Variants in TRAM2 observed in about 807,000 individuals in gnomAD.
TRAM2 encodes translocation associated membrane protein 2.
A neutral mutation model predicts 51.0 loss-of-function variants in TRAM2; 12 were observed. That is an observed-to-expected ratio of 0.24 (90% CI 0.15 to 0.38). The LOEUF (loss-of-function observed/expected upper bound fraction) is 0.38, where lower values mean the gene tolerates loss of function less well. TRAM2 is among the 10% of genes least tolerant of loss of function. The pLI is 1.00. For synonymous variants in TRAM2, 175 were observed against 179.4 expected (o/e 0.98, Z 0.20); for missense variants, 361 against 462.0 (o/e 0.78, Z 2.00).
intron 1 of TRAM2, among the ~76,000 whole-genome samples, chr6:52,563,088 T>G (rs529126250): frequency 2.6e-5 from 4 of 152,310 alleles, no homozygotes; most frequent in African/African-American, 7.2e-5. Flanking sequence ...TGCCAAGATA[T>G]TCACTGCTGC....
intron 1 of TRAM2, among the ~76,000 whole-genome samples, chr6:52,536,841 C>A (rs1020681487): frequency 4.6e-5 from 7 of 152,172 alleles, no homozygotes; most frequent in African/African-American, 1.7e-4. Flanking sequence ...AGGACCAGGC[C>A]TTTCCCAAGG....
intron 3 of TRAM2, 96 bp from the exon 4 acceptor site, chr6:52,516,218 AT>A: frequency 8.5e-7 from 1 of 1,170,626 alleles, no homozygotes; most frequent in African/African-American, 1.5e-5. Context: ...AGGGTTGAAC[AT>A]CGTTAGAAGT....
At chr6:52,514,684 G>C (rs994703544) in intron 4 of TRAM2, among the ~76,000 whole-genome samples, 6 of 152,354 alleles carry the variant, frequency 3.9e-5, no homozygotes, top group East Asian at 1.9e-4. Context: ...TGGGGGTGAA[G>C]TTGAAAGGGT....
At chr6:52,549,968 T>C (rs1188561450) in intron 1 of TRAM2, among the ~76,000 whole-genome samples, 3 of 152,156 alleles carry the variant, frequency 2.0e-5, no homozygotes, top group Admixed American at 6.5e-5. Context: ...CACCCTTTGA[T>C]TGCCTGTTGT....
At chr6:52,530,611 G>A (rs182157551) in intron 2 of TRAM2, among the ~76,000 whole-genome samples, 77 of 152,230 alleles carry the variant, frequency 5.1e-4, no homozygotes, top group South Asian at 4.2e-3. Context: ...AGACTGACAC[G>A]CACACAGGGA....
rs1165073560 is a variant in TRAM2 at position 52,498,728 on chromosome 6, G to A, written c.*4469C>T. Reference sequence around the variant, plus strand: ...ACCACAGACCCTAATCCTGGGCAGCGGGGTTAGAAACAAATGGGGTGAAAC... The same window carrying A: ...ACCACAGACCCTAATCCTGGGCAGCAGGGTTAGAAACAAATGGGGTGAAAC... On this transcript the variant is annotated 3_prime_UTR_variant, in exon 11 of 11. Coordinates refer to ENST00000182527, the MANE Select transcript of TRAM2 (RefSeq NM_012288.4). 2.0e-5 allele frequency: 3 copies of A among 152,624 alleles called. No homozygotes were observed. The East Asian group carries it at 5.8e-4, about 29-fold the overall frequency. The allele number at this position is 152,624 out of a possible 1,614,324, so 9.5% of individuals were successfully genotyped here.
At chr6:52,526,144 C>A (rs958338501) in intron 2 of TRAM2, among the ~76,000 whole-genome samples, 2 of 22,888 alleles carry the variant, frequency 8.7e-5, no homozygotes, top group African/African-American at 1.8e-4. Flanking sequence ...AGGAAATACA[C>A]ACAGACAGAC....
Position 52,505,690 on chromosome 6 carries a change from G to C in TRAM2, c.784C>G (p.Leu262Val). 1 of 1,613,670 alleles carries C rather than the reference G, an allele frequency of 6.2e-7. No homozygotes were observed. The highest frequency in any genetic ancestry group is 8.5e-7 in the Non-Finnish European group (1 of 1,179,650). Reference sequence around the variant, plus strand: ...CCAAAGCCAATGGCCAGCACGGCAAGGGTGAGGATGAAGAGGCGGGTAACC... The same window carrying C: ...CCAAAGCCAATGGCCAGCACGGCAACGGTGAGGATGAAGAGGCGGGTAACC... ...FGVTRLFILTLAVLAIGFGLA... is the reference protein window; with the variant it reads ...FGVTRLFILTVAVLAIGFGLA... Residue 262 changes from leucine to valine, a missense_variant, in exon 9 of 11, where the codon CTT (leucine) becomes GTT (valine). Leu to Val is a conservative substitution (Grantham distance 32). Coordinates refer to ENST00000182527, the MANE Select transcript of TRAM2 (RefSeq NM_012288.4).
chr6:52,521,217 C>T (rs1462111740), intron 2 of TRAM2, among the ~76,000 whole-genome samples: 2 of 151,608 alleles, frequency 1.3e-5, no homozygotes, highest in Non-Finnish European at 2.9e-5. Context: ...GCCCTATCTT[C>T]CTACTTTTGA....
At position 52,506,051 on chromosome 6, in the gene TRAM2, C is replaced by G; in HGVS notation, c.712G>C (p.Asp238His). 6.2e-7 allele frequency: 1 copy of G among 1,614,218 alleles called. No individual in the cohort carries two copies. The highest frequency in any genetic ancestry group is 8.5e-7 in the Non-Finnish European group (1 of 1,180,054). Residue 238 changes from aspartate (D) to histidine (H), a missense_variant, in exon 8 of 11, where the codon GAT becomes CAT. Asp to His is a moderately conservative substitution (Grantham distance 81). Transcript: ENST00000182527. ...FHTARLFYFA[D>H]ENNEKLFSAW... ...ACTTACAGTTTCTCGTTGTTTTCAT[C>G]TGCAAAGTAGAAGAGTCTAGCCGTG...
At chr6:52,553,440 C>T (rs541931210) in intron 1 of TRAM2, among the ~76,000 whole-genome samples, 6 of 152,282 alleles carry the variant, frequency 3.9e-5, no homozygotes, top group South Asian at 2.1e-4. Flanking sequence ...GTGTAGTAGC[C>T]GCTTTCTTTG....
At chr6:52,553,600 C>T (rs962239211) in intron 1 of TRAM2, among the ~76,000 whole-genome samples, 10 of 152,212 alleles carry the variant, frequency 6.6e-5, no homozygotes, top group African/African-American at 1.9e-4. Flanking sequence ...TGGCTGCTTC[C>T]TCCTCACACC....
In TRAM2 at chr6:52,498,695, CAG is replaced by C. The variant is rs1026706811; in HGVS notation, c.*4500_*4501del. 6.6e-6 allele frequency: 1 copy of C among 152,608 alleles called. No individual in the cohort carries two copies. The highest frequency in any genetic ancestry group is 6.6e-5 in the Admixed American group (1 of 15,256). The allele number at this position is 152,608 out of a possible 1,614,324, so 9.5% of individuals were successfully genotyped here. ...CACAAGGGAGAAACCAAAAACAAAA[CAG>C]AACACACCACAGACCCTAATCCTGG... On this transcript the variant is annotated 3_prime_UTR_variant, in exon 11 of 11. Transcript: ENST00000182527.
At chr6:52,510,723 A>G (rs570986761) in intron 4 of TRAM2, among the ~76,000 whole-genome samples, 1 of 152,352 alleles carries the variant, frequency 6.6e-6, no homozygotes, top group South Asian at 2.1e-4. Context: ...GGTGAAATAT[A>G]CTACCTGTGT....
chr6:52,546,050 G>A (rs1002401556), intron 1 of TRAM2, among the ~76,000 whole-genome samples: 3 of 152,136 alleles, frequency 2.0e-5, no homozygotes, highest in African/African-American at 7.2e-5. Flanking sequence ...TCAGGATGGA[G>A]AGGCTCCTGA....
At chr6:52,539,286 G>A (rs548436554) in intron 1 of TRAM2, among the ~76,000 whole-genome samples, 20 of 152,288 alleles carry the variant, frequency 1.3e-4, no homozygotes, top group African/African-American at 4.6e-4. Flanking sequence ...GCAGAGTGTC[G>A]CCTTGTTTGG....
At chr6:52,553,490 T>C (rs1767347397) in intron 1 of TRAM2, among the ~76,000 whole-genome samples, 3 of 152,212 alleles carry the variant, frequency 2.0e-5, no homozygotes, top group Admixed American at 2.0e-4. Context: ...TCCAGCCATC[T>C]GCTCTGCCTT....
At chr6:52,535,872 A>T in intron 1 of TRAM2, 26 bp from the exon 2 acceptor site, 1 of 1,608,118 alleles carries the variant, frequency 6.2e-7, no homozygotes, top group East Asian at 2.2e-5. Flanking sequence ...AAAGAGTTCC[A>T]GTTTAGCTTT....
At chr6:52,536,533 G>A (rs770435597) in intron 1 of TRAM2, among the ~76,000 whole-genome samples, 1 of 152,200 alleles carries the variant, frequency 6.6e-6, no homozygotes, top group Non-Finnish European at 1.5e-5. Flanking sequence ...CAAAACCTGG[G>A]GGTTTGAAGG....
Sources: allele counts gnomAD v4.1 joint callset (sites outside exome capture counted in the v4.1 genomes callset), GRCh38; gene constraint gnomAD v4.1.1; transcripts MANE v1.5; gene names NCBI Gene and HGNC (gene_info 2026-07-23, HGNC 2026-07-21).